The following PCLO variants were observed in gnomAD, a reference collection of about 807,000 sequenced individuals.
PCLO encodes protein piccolo.
A neutral mutation model predicts 427.5 loss-of-function variants in PCLO; 82 were observed. The observed-to-expected ratio is 0.19, with a 90% CI of 0.16 to 0.23. The LOEUF (loss-of-function observed/expected upper bound fraction) is 0.23, where lower values mean the gene tolerates loss of function less well. Ranked by LOEUF, PCLO falls within the 10% of genes least tolerant of loss-of-function variation. The pLI is 1.00. For synonymous variants in PCLO, 2,357 were observed against 2,155.4 expected (o/e 1.09, Z -2.59); for missense variants, 6,239 against 6,115.9 (o/e 1.02, Z -0.67).
intron 3 of PCLO, among the ~76,000 whole-genome samples, chr7:82,982,700 C>T (rs944401688): frequency 6.6e-6 from 1 of 151,878 alleles, no homozygotes; most frequent in African/African-American, 2.4e-5. Context: ...AGCATTAAGA[C>T]ATGCATTACT....
At position 82,955,294 on chromosome 7, in the gene PCLO, G is replaced by A; in HGVS notation, c.5659C>T (p.Pro1887Ser). The change falls in exon 5 of 25, where the codon CCC (proline) becomes TCC (serine). Residue 1887 changes from proline (P) to serine (S), a missense_variant. Physicochemically the swap from Pro to Ser is moderately conservative, Grantham distance 74 (BLOSUM62 -1). Around this residue, in one of 5 missense-constraint regions of PCLO, gnomAD observed 4,677 missense variants for 4,468.4 expected, o/e 1.05. Coordinates refer to ENST00000333891, the MANE Select transcript of PCLO (RefSeq NM_033026.6). ...IIEVQKVYKL[P>S]TAVSLYSPTD... is the part of the protein sequence containing the mutation. ...GGTGAGTATAATGAAACAGCTGTGG[G>A]CAATTTATAAACTTTTTGTACTTCT... is the stretch of plus-strand genomic sequence containing the variant. 6.2e-7 allele frequency: 1 copy of A among 1,613,294 alleles called. No homozygotes were observed. The highest frequency in any genetic ancestry group is 8.5e-7 in the Non-Finnish European group (1 of 1,179,710).
At position 82,956,863 on chromosome 7, in the gene PCLO, C is replaced by T. The variant is rs1795537803; in HGVS notation, c.4090G>A (p.Gly1364Arg). The change falls in exon 5 of 25, where the codon GGA (glycine) becomes AGA (arginine). Residue 1364 changes from glycine to arginine, a missense_variant. Coordinates refer to ENST00000333891, the MANE Select transcript of PCLO (RefSeq NM_033026.6). Reference protein sequence around the residue: ...PKSPQGLSDTGYSSDGISSSL... With the variant: ...PKSPQGLSDTRYSSDGISSSL... ...CTTGATATTCCATCGGAAGAATATC[C>T]CGTGTCGCTCAGACCTTGGGGGCTT... 1 of 1,613,694 alleles carries T rather than the reference C, an allele frequency of 6.2e-7. No homozygotes were observed.
At position 83,135,553 on chromosome 7, in the gene PCLO, A is replaced by G. The variant is rs372896273; in HGVS notation, c.1997T>C (p.Val666Ala). Residue 666 changes from valine (V) to alanine (A), a missense_variant, in exon 3 of 25, where the codon GTT (valine) becomes GCT (alanine). Val to Ala is a moderately conservative substitution (Grantham distance 64, BLOSUM62 0). Transcript: ENST00000333891. ...TTTGCTCACTGCTGATGTAGTGGTA[A>G]CAGGTGCAGTCTTCAGTTTGGGCTG... ...SPQPKLKTAP[V>A]TTTSAVSKSS... is the part of the protein sequence containing the mutation. 5 of 1,613,610 alleles carry G rather than the reference A, an allele frequency of 3.1e-6. No homozygotes were observed. The highest frequency in any genetic ancestry group is 4.2e-6 in the Non-Finnish European group (5 of 1,179,838).
chr7:83,039,509 A>C (rs1255035824), intron 3 of PCLO, among the ~76,000 whole-genome samples: 1 of 152,124 alleles, frequency 6.6e-6, no homozygotes, highest in African/African-American at 2.4e-5. Flanking sequence ...GTCAAATATC[A>C]GTTGACCATA....
chr7:83,086,925 G>A (rs1228457848), intron 3 of PCLO, among the ~76,000 whole-genome samples: 6 of 151,894 alleles, frequency 4.0e-5, no homozygotes. Flanking sequence ...GTAGGGACAT[G>A]GATGAAGGTG....
At chr7:82,766,548 G>A (rs374326562) in intron 22 of PCLO, among the ~76,000 whole-genome samples, 1 of 151,934 alleles carries the variant, frequency 6.6e-6, no homozygotes, top group East Asian at 1.9e-4. Context: ...TGGAAGGGAG[G>A]GAGTCAAGGA....
At chr7:83,073,135 G>A (rs1789861408) in intron 3 of PCLO, among the ~76,000 whole-genome samples, 1 of 151,692 alleles carries the variant, frequency 6.6e-6, no homozygotes, top group African/African-American at 2.4e-5. Flanking sequence ...AGTGATAGCT[G>A]GAAATATTAC....
At chr7:83,023,852 A>G (rs527799345) in intron 3 of PCLO, among the ~76,000 whole-genome samples, 1 of 152,352 alleles carries the variant, frequency 6.6e-6, no homozygotes, top group Non-Finnish European at 1.5e-5. Context: ...GAAGTGATGT[A>G]TGGCAAATCT....
Position 82,952,714 on chromosome 7 carries a change from G to T in PCLO, c.8239C>A (p.Leu2747Ile). ...EVKTTDKCID[L>I]SASTMDVKRQ... The stretch of plus-strand genomic sequence containing the variant: ...TTCACATCCATTGTAGAAGCAGAAA[G>T]ATCAATACATTTATCAGTTGTTTTA... Residue 2747 changes from leucine (L) to isoleucine (I), a missense_variant, in exon 5 of 25, where the codon CTT (leucine) becomes ATT (isoleucine). By Grantham distance (5) the Leu-to-Ile change is conservative. This residue lies in a region of PCLO where 4,677 missense variants were observed against 4,468.4 expected (regional missense o/e 1.05). Transcript: ENST00000333891. The T allele has an allele frequency of 6.2e-7, 1 of 1,613,794 alleles. No homozygotes were observed. The highest frequency in any genetic ancestry group is 1.1e-5 in the South Asian group (1 of 91,078).
At chr7:83,144,652 A>C (rs938980107) in intron 2 of PCLO, among the ~76,000 whole-genome samples, 2 of 152,198 alleles carry the variant, frequency 1.3e-5, no homozygotes, top group Admixed American at 6.5e-5. Flanking sequence ...CATTATTTTC[A>C]AAAATGTTTT....
In PCLO at chr7:83,155,115, G is replaced by A. The variant is rs1430924494; in HGVS notation, c.1526C>T (p.Pro509Leu). ...TGCTGGGCCAGGCTGTTGAGGTGGG[G>A]GTTTTGTTGAGCCAGGCTGTTGAGA... ...PPSQQPGSTK[P>L]PPQQPGPAKP... is the part of the protein sequence containing the mutation. The change falls in exon 2 of 25, where the codon CCC (proline) becomes CTC (leucine). Residue 509 changes from proline to leucine, a missense_variant. Pro to Leu is a moderately conservative substitution (Grantham distance 98). Transcript: ENST00000333891. 8.4e-6 allele frequency: 13 copies of A among 1,541,954 alleles called. No homozygotes were observed. In the Admixed American group the frequency reaches 1.8e-4, roughly 22 times the overall value.
At chr7:83,119,247 C>A (rs1055620881) in intron 3 of PCLO, among the ~76,000 whole-genome samples, 2 of 152,152 alleles carry the variant, frequency 1.3e-5, no homozygotes, top group Admixed American at 1.3e-4. Context: ...TGACCCAGTG[C>A]AATCCTAGCT....
At position 83,135,626 on chromosome 7, in the gene PCLO, T is replaced by C; in HGVS notation, c.1924A>G (p.Met642Val). ...AGATCCCCGCCTAGAGCTCTTTTCA[T>C]TTGACAGTTCAAACAGAGCCACTCT... ...VKEWLCLNCQ[M>V]KRALGGDLAP... The change falls in exon 3 of 25, where the codon ATG (methionine) becomes GTG (valine). Residue 642 changes from methionine to valine, a missense_variant. By Grantham distance (21) the Met-to-Val change is conservative. Coordinates refer to ENST00000333891, the MANE Select transcript of PCLO (RefSeq NM_033026.6). 1 of 1,608,036 alleles carries C rather than the reference T, an allele frequency of 6.2e-7. No individual in the cohort carries two copies. The highest frequency in any genetic ancestry group is 8.5e-7 in the Non-Finnish European group (1 of 1,176,852).
intron 10 of PCLO, among the ~76,000 whole-genome samples, chr7:82,866,689 CACACACA>C (rs1248182732): frequency 2.0e-5 from 3 of 151,710 alleles, no homozygotes; most frequent in African/African-American, 7.3e-5. Flanking sequence ...CACACACACA[CACACACA>C]CCCCTTTAAT....
chr7:83,121,345 A>C (rs1263398081), intron 3 of PCLO, among the ~76,000 whole-genome samples: 1 of 152,198 alleles, frequency 6.6e-6, no homozygotes, highest in African/African-American at 2.4e-5. Flanking sequence ...GTTATTTGTA[A>C]GTCTCATGGT....
chr7:82,856,033 G>C (rs1792796418), intron 10 of PCLO, among the ~76,000 whole-genome samples: 1 of 152,048 alleles, frequency 6.6e-6, no homozygotes, highest in Non-Finnish European at 1.5e-5. Context: ...ACAGTTAAGG[G>C]AGCTACTCAT....
chr7:83,088,610 G>A (rs954113891), intron 3 of PCLO, among the ~76,000 whole-genome samples: 7 of 152,140 alleles, frequency 4.6e-5, no homozygotes, highest in African/African-American at 1.7e-4. Context: ...TACTCTGCAA[G>A]CCCCTCACTG....
chr7:82,775,766 G>A (rs1790736862), intron 22 of PCLO, among the ~76,000 whole-genome samples: 1 of 151,976 alleles, frequency 6.6e-6, no homozygotes, highest in African/African-American at 2.4e-5. Flanking sequence ...CTGTGCCTTT[G>A]ATATTATCCC....
At chr7:83,103,607 A>T (rs1176434238) in intron 3 of PCLO, among the ~76,000 whole-genome samples, 1 of 151,984 alleles carries the variant, frequency 6.6e-6, no homozygotes, top group Non-Finnish European at 1.5e-5. Context: ...ACAAAAGTCA[A>T]TTTCTAACTT....
Sources: gnomAD v4.1 joint callset for allele counts (sites outside exome capture counted in the v4.1 genomes callset) on GRCh38, gnomAD v4.1.1 for gene constraint, gnomAD v4.1.1 regional missense constraint, MANE v1.5 for transcripts, NCBI Gene and HGNC (gene_info 2026-07-23, HGNC 2026-07-21) for gene names.